The following SIN3B variants were observed in gnomAD, a reference collection of about 807,000 sequenced individuals.
The protein encoded by SIN3B is paired amphipathic helix protein Sin3b.
A neutral mutation model predicts 120.2 loss-of-function variants in SIN3B; 19 were observed. The ratio of observed to expected loss-of-function variants is 0.16; its 90% confidence interval spans 0.11 to 0.23. SIN3B has a LOEUF of 0.23. Ranked by LOEUF, SIN3B falls within the 10% of genes least tolerant of loss-of-function variation. The pLI, the probability that SIN3B is intolerant of heterozygous loss-of-function variation, is 1.00. For synonymous variants in SIN3B, 654 were observed against 653.2 expected, an observed-to-expected ratio of 1.00 and a Z score of -0.02; for missense variants, 1,073 against 1,573.0, an observed-to-expected ratio of 0.68 and a Z score of 5.38.
At chr19:16,835,989 T>C (rs1173411970) in intron 3 of SIN3B, among the ~76,000 whole-genome samples, 1 of 152,078 alleles carries the variant, frequency 6.6e-6, no homozygotes. Flanking sequence ...TTGAAGTATC[T>C]TTTTCCCCCC....
chr19:16,841,640 TGTCTCTAATA>T, intron 3 of SIN3B, 118 bp from the exon 4 acceptor site: 2 of 852,200 alleles, frequency 2.3e-6, no homozygotes, highest in Non-Finnish European at 3.7e-6. Context: ...AACCTTTCCC[TGTCTCTAATA>T]CAGCTTGGCT....
chr19:16,854,513 C>T (rs558202322), intron 8 of SIN3B: 82 of 413,436 alleles, frequency 2.0e-4, no homozygotes, highest in Admixed American at 4.5e-4. Context: ...AGTGGGTCCT[C>T]GAGTAATGCC....
chr19:16,867,803 G>A (rs544329517), intron 12 of SIN3B, among the ~76,000 whole-genome samples: 4 of 152,214 alleles, frequency 2.6e-5, no homozygotes, highest in African/African-American at 9.6e-5. Context: ...CCTTCCCGTG[G>A]GCCACCCTCG....
chr19:16,834,573 G>T (rs766381505), intron 3 of SIN3B, among the ~76,000 whole-genome samples: 7 of 152,196 alleles, frequency 4.6e-5, no homozygotes, highest in Non-Finnish European at 8.8e-5. Context: ...TAGCTACTCA[G>T]CAGGGCCTTG....
rs778540375 is a variant in SIN3B at position 16,869,746 on chromosome 19, G to A, written c.2093G>A (p.Arg698Gln). ...PQGQTTDPSERKKPAPGPHSS... is the reference protein window; with the variant it reads ...PQGQTTDPSEQKKPAPGPHSS... ...GGGCAGACCACAGACCCCAGTGAGCGGAAGAAGCCGGCGCCAGGACCCCAC... is the reference window on the plus strand; with the variant it reads ...GGGCAGACCACAGACCCCAGTGAGCAGAAGAAGCCGGCGCCAGGACCCCAC... The change falls in exon 13 of 19, where the codon CGG becomes CAG. Residue 698 changes from arginine (R) to glutamine (Q), a missense_variant. Arg to Gln is a conservative substitution (Grantham distance 43). Transcript: ENST00000248054. 2.1e-5 allele frequency: 34 copies of A among 1,613,286 alleles called. No individual in the cohort carries two copies. The highest frequency in any genetic ancestry group is 1.7e-4 in the Middle Eastern group (1 of 6,030).
intron 14 of SIN3B, among the ~76,000 whole-genome samples, chr19:16,874,634 T>A (rs115720157): frequency 6.0e-5 from 9 of 151,204 alleles, no homozygotes; most frequent in Non-Finnish European, 1.2e-4. Context: ...TTTGGTCTGG[T>A]CTGGTCTGAT....
chr19:16,874,464 G>A (rs1029559267), intron 14 of SIN3B, among the ~76,000 whole-genome samples: 1 of 148,664 alleles, frequency 6.7e-6, no homozygotes, highest in African/African-American at 2.5e-5. Context: ...TCTGGTTTTG[G>A]TCTGGTCTCA....
chr19:16,842,049 C>T lies in SIN3B; in HGVS notation c.582+81C>T, dbSNP rs770675610. On this transcript the variant is annotated intron_variant, in intron 4 of 18. Transcript: ENST00000248054. ...CCTGCAGATATTCAGATTTTCTTGT[C>T]GGAATTCATAAAATCCTGTAAAATT... 7.4e-5 allele frequency: 87 copies of T among 1,179,782 alleles called. 1 individual carries two copies. The South Asian group carries it at 8.6e-4, about 12-fold the overall frequency. 73.1% of individuals were successfully genotyped at this position (1,179,782 alleles called of 1,614,324 possible). A position where few individuals can be genotyped will look rare whatever the true frequency, so the allele number is the denominator to read the frequency against.
intron 3 of SIN3B, among the ~76,000 whole-genome samples, chr19:16,838,734 G>T (rs1214662006): frequency 6.6e-6 from 1 of 151,624 alleles, no homozygotes; most frequent in African/African-American, 2.4e-5. Flanking sequence ...TGCAGTGGCG[G>T]GGTCTCAGCT....
intron 12 of SIN3B, among the ~76,000 whole-genome samples, chr19:16,868,452 G>A (rs1416487100): frequency 2.6e-5 from 4 of 152,240 alleles, no homozygotes; most frequent in Non-Finnish European, 2.9e-5. Context: ...GGGCTGCCCA[G>A]CAGAGGCCCT....
intron 14 of SIN3B, among the ~76,000 whole-genome samples, chr19:16,874,870 T>A (rs1490689379): frequency 6.6e-6 from 1 of 151,456 alleles, no homozygotes; most frequent in African/African-American, 2.4e-5. Flanking sequence ...GGTTTTAGTC[T>A]GGTCTAGTCT....
Position 16,878,395 on chromosome 19 carries a change from C to T in SIN3B, c.3162+5C>T, listed in dbSNP as rs2051641065. On this transcript the variant is annotated splice_donor_5th_base_variant and intron_variant, in intron 18 of 18. Coordinates refer to ENST00000248054, the MANE Select transcript of SIN3B (RefSeq NM_001297595.2). ...ACCCTCTGCCGGGCCAAGCAGGTGC[C>T]AGGGGAGGCCTGGGCTGCCCCGACA... The T allele has an allele frequency of 1.9e-6, 3 of 1,610,140 alleles. No individual in the cohort carries two copies. Among genetic ancestry groups the T allele is most frequent in the African/African-American group, 2.7e-5 (2 of 75,026 alleles).
At chr19:16,868,677 T>G (rs1436357684) in intron 12 of SIN3B, among the ~76,000 whole-genome samples, 2 of 152,056 alleles carry the variant, frequency 1.3e-5, no homozygotes, top group East Asian at 1.9e-4. Context: ...GAGGGGCACA[T>G]CAGGGGCCGG....
chr19:16,852,472 C>T (rs998701701), intron 6 of SIN3B, among the ~76,000 whole-genome samples: 2 of 152,208 alleles, frequency 1.3e-5, no homozygotes, highest in East Asian at 3.9e-4. Flanking sequence ...GTCTCGAACT[C>T]CTGGGCTCAA....
intron 3 of SIN3B, among the ~76,000 whole-genome samples, chr19:16,838,666 G>A (rs747095631): frequency 5.9e-5 from 9 of 152,142 alleles, no homozygotes; most frequent in Admixed American, 2.6e-4. Flanking sequence ...GTTGGAACAC[G>A]TGTTTTCTTT....
At chr19:16,854,300 T>C (rs985530924) in intron 8 of SIN3B, 39 bp downstream of exon 8, 4 of 1,334,900 alleles carry the variant, frequency 3.0e-6, no homozygotes, top group Non-Finnish European at 4.2e-6. Flanking sequence ...AGGGGGGTTC[T>C]GTTCCTGTCA....
In SIN3B at chr19:16,869,756, G is replaced by A. The variant is rs367753659; in HGVS notation, c.2103G>A (p.Pro701=). ...QTTDPSERKK[P]APGPHSSPPE... is the part of the protein sequence containing the mutation. ...CAGACCCCAGTGAGCGGAAGAAGCC[G>A]GCGCCAGGACCCCACAGTAGCCCCC... The change falls in exon 13 of 19, where the codon CCG becomes CCA. Residue 701 remains proline, a synonymous_variant. Transcript: ENST00000248054. The A allele has an allele frequency of 3.7e-6, 6 of 1,613,204 alleles. No homozygotes were observed. The highest frequency in any genetic ancestry group is 2.2e-5 in the East Asian group (1 of 44,902).
At position 16,844,732 on chromosome 19, in the gene SIN3B, G is replaced by A. The variant is rs567511120; in HGVS notation, c.583-2238G>A. Among the ~76,000 whole-genome samples, 365 of 152,344 alleles carry A rather than the reference G, an allele frequency of 2.4e-3. 1 individual carries two copies. The highest frequency in any genetic ancestry group is 7.9e-3 in the African/African-American group (330 of 41,578). On this transcript the variant is annotated intron_variant, in intron 4 of 18. Transcript: ENST00000248054. ...ACTCTAAACAGCAGCGCCGTTACGC[G>A]CATATTAAGTGGCCGAGAATTACAT...
At position 16,841,926 on chromosome 19, in the gene SIN3B, A is replaced by G; in HGVS notation, c.540A>G (p.Pro180=). The G allele has an allele frequency of 2.5e-6, 4 of 1,614,116 alleles. No homozygotes were observed. The highest frequency in any genetic ancestry group is 2.5e-6 in the Non-Finnish European group (3 of 1,180,024). ...NKIKTRFLDH[P]EIYRSFLEIL... The stretch of plus-strand genomic sequence containing the variant: ...TTAAAACCCGCTTCCTAGACCACCC[A>G]GAAATCTACAGGTCATTCCTGGAGA... The change falls in exon 4 of 19, where the codon CCA becomes CCG. Residue 180 remains proline, a synonymous_variant. Coordinates refer to ENST00000248054, the MANE Select transcript of SIN3B (RefSeq NM_001297595.2).
Sources: allele counts gnomAD v4.1 joint callset (sites outside exome capture counted in the v4.1 genomes callset), GRCh38; gene constraint gnomAD v4.1.1; transcripts MANE v1.5; gene names NCBI Gene and HGNC (gene_info 2026-07-23, HGNC 2026-07-21).